PDE4B: variants seen among roughly 807,000 people sequenced by gnomAD.
PDE4B encodes the protein 3',5'-cyclic-AMP phosphodiesterase 4B.
Under a neutral mutation model 82.2 loss-of-function variants are expected in PDE4B, and 20 were observed. That is an observed-to-expected ratio of 0.24 (90% confidence interval 0.17 to 0.35). The LOEUF (loss-of-function observed/expected upper bound fraction) is 0.35. Ranked by LOEUF, PDE4B falls within the 10% of genes least tolerant of loss-of-function variation. The pLI is 1.00. For missense variants in PDE4B, 655 were observed against 907.2 expected (o/e 0.72, Z 3.57); for synonymous variants, 320 against 318.9 (o/e 1.00, Z -0.04).
intron 7 of PDE4B, among the ~76,000 whole-genome samples, chr1:66,285,080 C>T (rs1341646348): frequency 1.3e-5 from 2 of 152,112 alleles, no homozygotes; most frequent in African/African-American, 4.8e-5. Flanking sequence ...GATGAAATTA[C>T]GACAAGAGCA....
At chr1:66,310,776 A>G (rs995626903) in intron 7 of PDE4B, among the ~76,000 whole-genome samples, 2 of 152,204 alleles carry the variant, frequency 1.3e-5, no homozygotes, top group African/African-American at 4.8e-5. Context: ...CCTGGAGTCA[A>G]GAGAGAATGA....
At chr1:65,808,973 A>G (rs1473810234) in intron 1 of PDE4B, among the ~76,000 whole-genome samples, 3 of 152,164 alleles carry the variant, frequency 2.0e-5, no homozygotes, top group Non-Finnish European at 4.4e-5. Flanking sequence ...TTAACAGAAT[A>G]ACAGAAAGTG....
chr1:65,905,119 G>T (rs1647014842), intron 1 of PDE4B, among the ~76,000 whole-genome samples: 1 of 152,106 alleles, frequency 6.6e-6, no homozygotes, highest in Admixed American at 6.6e-5. Flanking sequence ...AGATATAGTG[G>T]TTGGCAGTAT....
intron 3 of PDE4B, among the ~76,000 whole-genome samples, chr1:66,090,621 A>ATATATATATATATATATGTGTGTG: frequency 3.3e-5 from 4 of 122,734 alleles, no homozygotes; most frequent in African/African-American, 1.6e-4. Flanking sequence ...TATATAATAT[A>ATATATATATATATATATGTGTGTG]TGTGTGTGTG....
chr1:65,998,025 A>G (rs756961172), intron 3 of PDE4B, among the ~76,000 whole-genome samples: 29 of 152,280 alleles, frequency 1.9e-4, no homozygotes, highest in Non-Finnish European at 4.1e-4. Flanking sequence ...AGGGAGCAAT[A>G]ATTAGGAAAT....
At chr1:65,991,187 C>T (rs1002376691) in intron 3 of PDE4B, among the ~76,000 whole-genome samples, 4 of 151,810 alleles carry the variant, frequency 2.6e-5, no homozygotes, top group Non-Finnish European at 4.4e-5. Context: ...AAGTGATTCT[C>T]GTGCCTCATC....
At chr1:65,832,789 G>A (rs1042064457) in intron 1 of PDE4B, among the ~76,000 whole-genome samples, 6 of 152,292 alleles carry the variant, frequency 3.9e-5, no homozygotes, top group East Asian at 1.9e-4. Flanking sequence ...AGTGAGGGTC[G>A]TGAGCATCAG....
chr1:66,264,041 G>A (rs1023602630), intron 6 of PDE4B, among the ~76,000 whole-genome samples: 6 of 152,170 alleles, frequency 3.9e-5, no homozygotes, highest in Non-Finnish European at 7.4e-5. Flanking sequence ...GTTGTTCCCT[G>A]CTCACATAAT....
chr1:66,156,559 T>G (rs1428073355), intron 3 of PDE4B, among the ~76,000 whole-genome samples: 1 of 152,106 alleles, frequency 6.6e-6, no homozygotes, highest in Non-Finnish European at 1.5e-5. Context: ...CATTCTCTAA[T>G]ATCTCCATCC....
chr1:66,186,935 G>T (rs7546745), intron 3 of PDE4B, among the ~76,000 whole-genome samples: 76,432 of 151,832 alleles, frequency 0.5, 19,891 homozygotes, highest in South Asian at 0.63. Context: ...AATCCTTCCA[G>T]TTTGTGCCCA....
intron 3 of PDE4B, among the ~76,000 whole-genome samples, chr1:66,006,351 A>T (rs573255507): frequency 5.3e-5 from 8 of 152,334 alleles, no homozygotes; most frequent in African/African-American, 1.7e-4. Context: ...TAATGCAAAC[A>T]TGAGGCACCA....
intron 3 of PDE4B, among the ~76,000 whole-genome samples, chr1:66,144,433 T>C (rs977594269): frequency 6.6e-6 from 1 of 152,188 alleles, no homozygotes; most frequent in Non-Finnish European, 1.5e-5. Flanking sequence ...TTATAAAAAT[T>C]CCTGAAACTC....
chr1:65,956,294 G>A (rs1167003571), intron 3 of PDE4B, among the ~76,000 whole-genome samples: 2 of 152,064 alleles, frequency 1.3e-5, no homozygotes, highest in Non-Finnish European at 1.5e-5. Context: ...TTGGGTGAAT[G>A]GTCCTGTTTT....
intron 8 of PDE4B, among the ~76,000 whole-genome samples, chr1:66,351,651 A>G (rs1260806906): frequency 1.3e-5 from 2 of 152,224 alleles, no homozygotes; most frequent in Non-Finnish European, 2.9e-5. Flanking sequence ...CACAGAATTT[A>G]TCATACAAGT....
rs570384486 is a variant in PDE4B, at chr1:65,825,240, A to G, written c.-71+31992A>G. Among the ~76,000 whole-genome samples, 303 of 152,236 alleles carry G rather than the reference A, an allele frequency of 2.0e-3. 3 individuals are homozygous for G. The South Asian group carries it at 0.023, about 12-fold the overall frequency. On this transcript the variant is annotated intron_variant, in intron 1 of 16. Coordinates refer to ENST00000341517, the MANE Select transcript of PDE4B (RefSeq NM_002600.4). ...GCTCTTCCCCACCTCCCCTTTTTCAATTGTGGACATTGTTGTGATGATATT... is the reference window on the plus strand; with the variant it reads ...GCTCTTCCCCACCTCCCCTTTTTCAGTTGTGGACATTGTTGTGATGATATT...
chr1:66,105,992 G>A (rs1645344149), intron 3 of PDE4B, among the ~76,000 whole-genome samples: 1 of 152,164 alleles, frequency 6.6e-6, no homozygotes, highest in East Asian at 1.9e-4. Flanking sequence ...TAGGAGTGGT[G>A]AGAGAGGGCA....
In PDE4B at chr1:65,818,685, C is replaced by CACATAT. The variant is rs141035147; in HGVS notation, c.-71+25438_-71+25439insCATATA. On this transcript the variant is annotated intron_variant, in intron 1 of 16. Transcript: ENST00000341517. The stretch of plus-strand genomic sequence containing the variant: ...ATACATATATATTCACACACACACA[C>CACATAT]ATATATATATATATATATAAAATAA... Among the ~76,000 whole-genome samples, 788 of 143,770 alleles carry CACATAT rather than the reference C, an allele frequency of 5.5e-3. 8 individuals carry two copies. The highest frequency in any genetic ancestry group is 0.038 in the South Asian group (172 of 4,546). 94.3% of individuals were successfully genotyped at this position (143,770 alleles called of 152,430 possible).
chr1:65,934,132 A>T (rs1379719551), intron 3 of PDE4B, among the ~76,000 whole-genome samples: 1 of 152,228 alleles, frequency 6.6e-6, no homozygotes, highest in Non-Finnish European at 1.5e-5. Flanking sequence ...AAAGGAAAAG[A>T]GAAAGAAATC....
intron 1 of PDE4B, among the ~76,000 whole-genome samples, chr1:65,798,642 C>T (rs1157338845): frequency 1.3e-5 from 2 of 152,228 alleles, no homozygotes; most frequent in Non-Finnish European, 2.9e-5. Flanking sequence ...GCGTAAGCCA[C>T]TGCACCCGGC....
Sources: gnomAD v4.1 joint callset for allele counts (sites outside exome capture counted in the v4.1 genomes callset) on GRCh38, gnomAD v4.1.1 for gene constraint, MANE v1.5 for transcripts, NCBI Gene and HGNC (gene_info 2026-07-23, HGNC 2026-07-21) for gene names.